The following ZDHHC21 variants were observed in gnomAD, a reference collection of about 807,000 sequenced individuals.
The protein encoded by ZDHHC21 is palmitoyltransferase ZDHHC21.
A neutral mutation model predicts 34.6 loss-of-function variants in ZDHHC21; 15 were observed. That is an observed-to-expected ratio of 0.43 (90% CI 0.29 to 0.67). ZDHHC21 has a LOEUF of 0.67. Among genes scored for constraint, ZDHHC21 ranks in the 30% least tolerant of loss-of-function variants. ZDHHC21 has a pLI of 0.14. For missense variants in ZDHHC21, 344 were observed against 327.7 expected, an observed-to-expected ratio of 1.05 and a Z score of -0.38; for synonymous variants, 142 against 101.8, an observed-to-expected ratio of 1.40 and a Z score of -2.38.
chr9:14,671,378 C>T (rs1055349022), intron 5 of ZDHHC21, among the ~76,000 whole-genome samples: 1 of 151,942 alleles, frequency 6.6e-6, no homozygotes, highest in Non-Finnish European at 1.5e-5. Flanking sequence ...TTGAAATTAC[C>T]TAAATCAATA....
At chr9:14,594,247 C>T in the ZDHHC21 span, 3 of 152,016 alleles carry the variant, frequency 2.0e-5, no homozygotes, top group South Asian at 6.2e-4. Context: ...TATGAAAATA[C>T]AAAGGACCTA....
At chr9:14,643,063 C>T (rs1016565982) in intron 7 of ZDHHC21, among the ~76,000 whole-genome samples, 2 of 151,964 alleles carry the variant, frequency 1.3e-5, no homozygotes, top group Admixed American at 1.3e-4. Context: ...ACAGGCGAAA[C>T]CCCGTCTCTA....
chr9:14,688,083 A>C (rs1485707403), intron 2 of ZDHHC21, among the ~76,000 whole-genome samples: 1 of 149,896 alleles, frequency 6.7e-6, no homozygotes, highest in Admixed American at 6.6e-5. Context: ...TTTTTTAAAT[A>C]TCACATAGAT....
At chr9:14,670,934 T>C (rs1358896065) in intron 5 of ZDHHC21, among the ~76,000 whole-genome samples, 2 of 152,088 alleles carry the variant, frequency 1.3e-5, no homozygotes, top group Admixed American at 1.3e-4. Flanking sequence ...TTTACTCATG[T>C]CCACAAAGGA....
At position 14,619,083 on chromosome 9, in the gene ZDHHC21, C is replaced by T. The variant is rs751187559; in HGVS notation, c.681G>A (p.Lys227=). The change falls in exon 10 of 10, where the codon AAG becomes AAA. Residue 227 remains lysine, a synonymous_variant. Transcript: ENST00000380916. ...CTTCTGAGAAGGTCTGCTGCCATGG[C>T]TTTCGGGGCCTCGATCTACAGAAGA... The part of the protein sequence containing the change: ...NCCEDISRPR[K]PWQQTFSEVF... 2 of 1,609,942 alleles carry T rather than the reference C, an allele frequency of 1.2e-6. No individual in the cohort carries two copies. Among genetic ancestry groups the T allele is most frequent in the South Asian group, 1.1e-5 (1 of 90,508 alleles).
intron 2 of ZDHHC21, among the ~76,000 whole-genome samples, chr9:14,684,790 T>G (rs1038102956): frequency 6.1e-4 from 93 of 152,288 alleles, no homozygotes; most frequent in African/African-American, 2.1e-3. Flanking sequence ...TCACGCTACC[T>G]GACTTCAAAC....
chr9:14,601,667 A>C, the ZDHHC21 span, among the ~76,000 whole-genome samples: 4 of 152,228 alleles, frequency 2.6e-5, no homozygotes, highest in Admixed American at 1.3e-4. Flanking sequence ...AAGGATTATA[A>C]ATCATTCTAC....
chr9:14,656,486 A>C lies in ZDHHC21; in HGVS notation c.504+2263T>G, dbSNP rs111406129. Among the ~76,000 whole-genome samples, 768 of 152,070 alleles carry C rather than the reference A, an allele frequency of 5.1e-3. 4 individuals carry two copies. Among genetic ancestry groups the C allele is most frequent in the Non-Finnish European group, 8.5e-3 (574 of 67,802 alleles). ...CAAAACTAAAACATTGAGATAATAT[A>C]TCATAAACAAAACTAAAAATTACTC... On this transcript the variant is annotated intron_variant, in intron 7 of 9. Coordinates refer to ENST00000380916, the MANE Select transcript of ZDHHC21 (RefSeq NM_178566.6).
At chr9:14,640,214 G>A (rs993119150) in intron 7 of ZDHHC21, among the ~76,000 whole-genome samples, 2 of 149,418 alleles carry the variant, frequency 1.3e-5, no homozygotes. Context: ...ACAATAGCAA[G>A]CTGGAAAATA....
At chr9:14,589,156 C>G in the ZDHHC21 span, 4 of 152,248 alleles carry the variant, frequency 2.6e-5, no homozygotes, top group South Asian at 8.3e-4. Context: ...GAAGTGCTCT[C>G]TAGTCATTGT....
intron 4 of ZDHHC21, 89 bp from the exon 5 acceptor site, chr9:14,673,017 TAAC>T: frequency 8.7e-6 from 7 of 800,084 alleles, no homozygotes; most frequent in Non-Finnish European, 1.3e-5. Context: ...ATGTATATTT[TAAC>T]AAACACCATC....
intron 5 of ZDHHC21, among the ~76,000 whole-genome samples, chr9:14,670,220 G>C (rs896546263): frequency 1.3e-5 from 2 of 151,944 alleles, no homozygotes; most frequent in African/African-American, 4.8e-5. Flanking sequence ...ATATCCTAGA[G>C]AATAAATTCT....
At chr9:14,605,112 A>G in the ZDHHC21 span, among the ~76,000 whole-genome samples, 38 of 152,210 alleles carry the variant, frequency 2.5e-4, no homozygotes, top group African/African-American at 9.2e-4. Context: ...TCAACCATCA[A>G]TGGGCATTTA....
chr9:14,591,565 C>T, the ZDHHC21 span, among the ~76,000 whole-genome samples: 135 of 152,258 alleles, frequency 8.9e-4, 1 homozygote, highest in African/African-American at 3.2e-3. Flanking sequence ...AGCAAGATGA[C>T]AGACTTAAAC....
intron 7 of ZDHHC21, among the ~76,000 whole-genome samples, chr9:14,649,977 AGTAACT>A (rs1413506130): frequency 6.6e-6 from 1 of 152,098 alleles, no homozygotes; most frequent in Non-Finnish European, 1.5e-5. Flanking sequence ...TTAAATTCAC[AGTAACT>A]GTAACAGTTT....
the ZDHHC21 span, among the ~76,000 whole-genome samples, chr9:14,592,301 C>A: frequency 1.3e-5 from 2 of 151,984 alleles, no homozygotes. Flanking sequence ...CGGTAAAATA[C>A]AGAAACTTTG....
intron 4 of ZDHHC21, among the ~76,000 whole-genome samples, chr9:14,673,665 T>C (rs1321012410): frequency 6.6e-6 from 1 of 151,982 alleles, no homozygotes; most frequent in Non-Finnish European, 1.5e-5. Context: ...AATGAGGTAA[T>C]GTGCATGAAA....
chr9:14,692,968 G>A lies in ZDHHC21; in HGVS notation c.-225+261C>T, dbSNP rs935341943. Among the ~76,000 whole-genome samples, 14 of 152,134 alleles carry A rather than the reference G, an allele frequency of 9.2e-5. No homozygotes were observed. In the East Asian group the frequency reaches 1.2e-3, roughly 13 times the overall value. ...AGGAACCCCCCACCCCCAGTTGAGG[G>A]AGGAGCACTTAGCAAGGGGCTGTAG... is the stretch of plus-strand genomic sequence containing the variant. On this transcript the variant is annotated intron_variant, in intron 1 of 9. Coordinates refer to ENST00000380916, the MANE Select transcript of ZDHHC21 (RefSeq NM_178566.6).
intron 5 of ZDHHC21, among the ~76,000 whole-genome samples, chr9:14,664,040 A>G (rs1281301738): frequency 6.6e-6 from 1 of 152,192 alleles, no homozygotes; most frequent in Non-Finnish European, 1.5e-5. Context: ...TCCGGTCTAC[A>G]GCTCCCAGCG....
Sources: allele counts gnomAD v4.1 joint callset (sites outside exome capture counted in the v4.1 genomes callset), GRCh38; gene constraint gnomAD v4.1.1; transcripts MANE v1.5; gene names NCBI Gene and HGNC (gene_info 2026-07-23, HGNC 2026-07-21).